The following RCAN2 variants were observed in gnomAD, a reference collection of about 807,000 sequenced individuals.
The protein encoded by RCAN2 is regulator of calcineurin 2.
RCAN2 carries 9 observed loss-of-function variants against 23.6 expected under a neutral mutation model. The observed-to-expected ratio is 0.38, with a 90% CI of 0.23 to 0.67. RCAN2 has a LOEUF of 0.67. RCAN2 is among the 30% of genes least tolerant of loss of function. The pLI is 0.51. For synonymous variants in RCAN2, 109 were observed against 115.7 expected (o/e 0.94, Z 0.37); for missense variants, 273 against 302.3 (o/e 0.90, Z 0.72).
At chr6:46,413,114 C>T (rs1352051567) in intron 2 of RCAN2, among the ~76,000 whole-genome samples, 1 of 152,054 alleles carries the variant, frequency 6.6e-6, no homozygotes, top group African/African-American at 2.4e-5. Context: ...TAAAGAAAAG[C>T]AACTTTGCTG....
chr6:46,356,910 G>A (rs1764848801), intron 2 of RCAN2, among the ~76,000 whole-genome samples: 1 of 152,210 alleles, frequency 6.6e-6, no homozygotes, highest in Admixed American at 6.5e-5. Context: ...GACCTATCAA[G>A]TTCAACAGGT....
intron 2 of RCAN2, among the ~76,000 whole-genome samples, chr6:46,263,481 G>GTA (rs1767190199): frequency 1.6e-4 from 23 of 142,012 alleles, no homozygotes; most frequent in African/African-American, 5.1e-4. Context: ...GTGTATGTGT[G>GTA]TGTGTGTGTG....
chr6:46,486,077 A>G (rs1463410758), intron 1 of RCAN2, among the ~76,000 whole-genome samples: 1 of 152,196 alleles, frequency 6.6e-6, no homozygotes, highest in Non-Finnish European at 1.5e-5. Flanking sequence ...ATCTGTGCAG[A>G]GCATTCCATT....
intron 2 of RCAN2, among the ~76,000 whole-genome samples, chr6:46,416,945 A>C (rs1221392490): frequency 6.6e-6 from 1 of 152,230 alleles, no homozygotes; most frequent in Non-Finnish European, 1.5e-5. Context: ...TGTCCAAAAA[A>C]TTCAATCTTA....
chr6:46,258,380 G>A (rs1300090224), intron 2 of RCAN2, among the ~76,000 whole-genome samples: 1 of 152,194 alleles, frequency 6.6e-6, no homozygotes, highest in East Asian at 1.9e-4. Context: ...ATGAAATTAT[G>A]CTTTGTTCCA....
rs1282528358 is a variant in RCAN2 at position 46,263,551 on chromosome 6, GTGTGTGTGTA to G, written c.226-14665_226-14656del. ...TGTGTGTGTGTGTATGTGTGTGTGT[GTGTGTGTGTA>G]TGTGTGTGTGTGTTAGTATAGGGGG... On this transcript the variant is annotated intron_variant, in intron 2 of 4. Transcript: ENST00000371374. Among the ~76,000 whole-genome samples the G allele has an allele frequency of 5.2e-3, 732 of 140,430 alleles. 10 individuals carry two copies. Among genetic ancestry groups the G allele is most frequent in the African/African-American group, 0.018 (691 of 37,456 alleles). 92.1% of individuals were successfully genotyped at this position (140,430 alleles called of 152,430 possible).
chr6:46,403,797 C>CA (rs922781959), intron 2 of RCAN2, among the ~76,000 whole-genome samples: 12 of 151,734 alleles, frequency 7.9e-5, no homozygotes, highest in African/African-American at 2.2e-4. Context: ...AAACGTTTTA[C>CA]AAAAAAAAGT....
intron 1 of RCAN2, among the ~76,000 whole-genome samples, chr6:46,480,576 A>T (rs1490000909): frequency 2.6e-5 from 4 of 152,114 alleles, no homozygotes; most frequent in African/African-American, 9.7e-5. Context: ...GGAAAAAAGA[A>T]ACCTATTCAC....
At chr6:46,263,718 T>C (rs1353426436) in intron 2 of RCAN2, among the ~76,000 whole-genome samples, 2 of 114,376 alleles carry the variant, frequency 1.7e-5, no homozygotes, top group African/African-American at 6.7e-5. Context: ...TTTACATTAA[T>C]ATGATGTTGT....
intron 2 of RCAN2, among the ~76,000 whole-genome samples, chr6:46,437,716 C>G (rs137980125): frequency 6.6e-6 from 1 of 152,228 alleles, no homozygotes; most frequent in Non-Finnish European, 1.5e-5. Flanking sequence ...AGAAGGCATC[C>G]TATCCCAACT....
chr6:46,232,338 C>T (rs1417246507), intron 4 of RCAN2, among the ~76,000 whole-genome samples: 1 of 152,194 alleles, frequency 6.6e-6, no homozygotes, highest in African/African-American at 2.4e-5. Flanking sequence ...CCCGGGTAAA[C>T]AGATAATCTG....
At chr6:46,349,921 A>G (rs143874430) in intron 2 of RCAN2, among the ~76,000 whole-genome samples, 64 of 152,278 alleles carry the variant, frequency 4.2e-4, no homozygotes, top group African/African-American at 1.4e-3. Context: ...GTGGCTTCCT[A>G]TTACACTGAC....
Position 46,238,234 on chromosome 6 carries a change from A to G in RCAN2, c.571+8514T>C, listed in dbSNP as rs559757826. The stretch of plus-strand genomic sequence containing the variant: ...GCTGGGAGGCAGGGGCTGCTCCTCT[A>G]TACATCTCACCTCTTCCACTCTTCT... On this transcript the variant is annotated intron_variant, in intron 4 of 4. Transcript: ENST00000371374. Among the ~76,000 whole-genome samples the G allele has an allele frequency of 1.3e-4, 20 of 152,248 alleles. 1 individual carries two copies. The East Asian group carries it at 2.3e-3, about 18-fold the overall frequency.
chr6:46,342,748 G>T (rs781480617), intron 2 of RCAN2, among the ~76,000 whole-genome samples: 1 of 151,704 alleles, frequency 6.6e-6, no homozygotes, highest in African/African-American at 2.4e-5. Context: ...GAAAGAATTT[G>T]CCATAGAGAG....
At chr6:46,298,376 G>GGTA (rs1762787243) in intron 2 of RCAN2, among the ~76,000 whole-genome samples, 1 of 151,966 alleles carries the variant, frequency 6.6e-6, no homozygotes, top group African/African-American at 2.4e-5. Flanking sequence ...TTGGGCTGGG[G>GGTA]GTAGTGGTGA....
At chr6:46,463,061 G>A (rs962080009) in intron 1 of RCAN2, among the ~76,000 whole-genome samples, 1 of 152,170 alleles carries the variant, frequency 6.6e-6, no homozygotes, top group Non-Finnish European at 1.5e-5. Flanking sequence ...AGTAAAATCA[G>A]TCAGTAGCGT....
In RCAN2 at chr6:46,223,063, G is replaced by T; in HGVS notation, c.*78C>A. On this transcript the variant is annotated 3_prime_UTR_variant, in exon 5 of 5. Coordinates refer to ENST00000371374, the MANE Select transcript of RCAN2 (RefSeq NM_001251974.2). ...CAACCAAACACCCAGGAATTTAAAG[G>T]CAATTTTTTTTGACAAACAACAGGG... 6.6e-7 allele frequency: 1 copy of T among 1,506,174 alleles called. No homozygotes were observed. The highest frequency in any genetic ancestry group is 9.1e-7 in the Non-Finnish European group (1 of 1,104,722). 93.3% of individuals were successfully genotyped at this position (1,506,174 alleles called of 1,614,324 possible). A position where few individuals can be genotyped will look rare whatever the true frequency, so the allele number is the denominator to read the frequency against.
At chr6:46,295,185 G>C (rs546743251) in intron 2 of RCAN2, among the ~76,000 whole-genome samples, 2 of 152,234 alleles carry the variant, frequency 1.3e-5, no homozygotes, top group Non-Finnish European at 1.5e-5. Flanking sequence ...ATCTCCCTCC[G>C]CATGCTTTGT....
chr6:46,472,847 T>C (rs1000214318), intron 1 of RCAN2, among the ~76,000 whole-genome samples: 3 of 152,132 alleles, frequency 2.0e-5, no homozygotes, highest in Admixed American at 1.3e-4. Flanking sequence ...CCAGTCAGTC[T>C]GGGAAAGAGA....
Sources: allele counts gnomAD v4.1 joint callset (sites outside exome capture counted in the v4.1 genomes callset), GRCh38; gene constraint gnomAD v4.1.1; transcripts MANE v1.5; gene names NCBI Gene and HGNC (gene_info 2026-07-23, HGNC 2026-07-21).